The following VDAC2 variants were observed in gnomAD, a reference collection of about 807,000 sequenced individuals.
VDAC2 encodes non-selective voltage-gated ion channel VDAC2.
A neutral mutation model predicts 36.6 loss-of-function variants in VDAC2; 6 were observed. That is an observed-to-expected ratio of 0.16 (90% CI 0.09 to 0.32). VDAC2 has a LOEUF of 0.32. VDAC2 is among the 10% of genes least tolerant of loss of function. VDAC2 has a pLI of 1.00. For synonymous variants in VDAC2, 109 were observed against 123.8 expected (o/e 0.88, Z 0.79); for missense variants, 247 against 346.0 (o/e 0.71, Z 2.27).
At chr10:75,219,246 TATTA>T in intron 5 of VDAC2, 31 bp downstream of exon 5, 2 of 1,554,684 alleles carry the variant, frequency 1.3e-6, no homozygotes, top group South Asian at 1.2e-5. Context: ...GTATTAATTT[TATTA>T]ATTTATTTTT....
Position 75,212,293 on chromosome 10 carries a change from G to T in VDAC2, c.95G>T (p.Gly32Val). The T allele has an allele frequency of 6.2e-7, 1 of 1,612,826 alleles. No individual in the cohort carries two copies. Among genetic ancestry groups the T allele is most frequent in the Non-Finnish European group, 8.5e-7 (1 of 1,179,572 alleles). Residue 32 changes from glycine to valine, a missense_variant, in exon 3 of 10, where the codon GGA becomes GTA. Transcript: ENST00000332211. Reference protein sequence around the residue: ...GKAARDIFNKGFGFGLVKLDV... With the variant: ...GKAARDIFNKVFGFGLVKLDV... ...GCTGCCAGAGATATTTTCAACAAAGGATTTGGTAAGAACCTTATTTTTAAA... is the reference window on the plus strand; with the variant it reads ...GCTGCCAGAGATATTTTCAACAAAGTATTTGGTAAGAACCTTATTTTTAAA...
At chr10:75,222,478 A>G in intron 8 of VDAC2, 76 bp downstream of exon 8, 1 of 1,555,662 alleles carries the variant, frequency 6.4e-7, no homozygotes, top group Non-Finnish European at 8.7e-7. Flanking sequence ...ATTATGTTGA[A>G]AATTTGAACT....
chr10:75,227,968 C>CA (rs1026421006), intron 8 of VDAC2, among the ~76,000 whole-genome samples: 14 of 151,556 alleles, frequency 9.2e-5, no homozygotes, highest in Admixed American at 4.6e-4. Context: ...GATCTCCACT[C>CA]ACTGCAACCT....
chr10:75,226,383 AT>A (rs1841952057), intron 8 of VDAC2, among the ~76,000 whole-genome samples: 1 of 146,468 alleles, frequency 6.8e-6, no homozygotes, highest in African/African-American at 2.6e-5. Context: ...TTGTTGAGAT[AT>A]TTGGCCATTT....
At chr10:75,211,065 C>T (rs1589995381) in intron 1 of VDAC2, 69 bp from the exon 2 acceptor site, 3 of 1,428,020 alleles carry the variant, frequency 2.1e-6, no homozygotes, top group Middle Eastern at 1.8e-4. Context: ...GGCCCCTCGC[C>T]CCTCTCTGCC....
chr10:75,211,367 A>G, intron 2 of VDAC2, 178 bp downstream of exon 2: 2 of 1,394,032 alleles, frequency 1.4e-6, no homozygotes, highest in Non-Finnish European at 9.6e-7. Context: ...CTGGATTTCA[A>G]ATGGGGAACA....
At chr10:75,227,577 ATTT>A (rs35378957) in intron 8 of VDAC2, among the ~76,000 whole-genome samples, 5 of 99,928 alleles carry the variant, frequency 5.0e-5, no homozygotes, top group South Asian at 3.3e-4. Context: ...AATAATAGGA[ATTT>A]TTTTTTTTTT....
intron 8 of VDAC2, 148 bp from the exon 9 acceptor site, chr10:75,229,496 G>A: frequency 1.8e-6 from 1 of 567,330 alleles, no homozygotes; most frequent in Non-Finnish European, 3.0e-6. Flanking sequence ...AATAGTACCT[G>A]GTTTGTTTGG....
At chr10:75,224,435 G>T (rs943934710) in intron 8 of VDAC2, among the ~76,000 whole-genome samples, 6 of 152,060 alleles carry the variant, frequency 3.9e-5, no homozygotes, top group Admixed American at 1.3e-4. Flanking sequence ...GGTTTAGGAA[G>T]AAAAAGGATA....
chr10:75,215,401 G>C (rs565375990), intron 4 of VDAC2, among the ~76,000 whole-genome samples: 1 of 151,740 alleles, frequency 6.6e-6, no homozygotes, highest in Admixed American at 6.6e-5. Flanking sequence ...ACCCAGGCTG[G>C]AGTGCAGTGG....
chr10:75,210,398 G>A (rs534316729), upstream of VDAC2, among the ~76,000 whole-genome samples: 1 of 152,308 alleles, frequency 6.6e-6, no homozygotes, highest in East Asian at 1.9e-4. Flanking sequence ...TTTCGGGGGG[G>A]AACCCGCACC....
At chr10:75,221,399 C>G (rs1841809307) in intron 7 of VDAC2, among the ~76,000 whole-genome samples, 1 of 151,732 alleles carries the variant, frequency 6.6e-6, no homozygotes. Context: ...CTTTTGCGAT[C>G]TCGGCTCACT....
At chr10:75,229,851 AT>A (rs1253035087) in intron 9 of VDAC2, 150 bp downstream of exon 9, 11 of 502,052 alleles carry the variant, frequency 2.2e-5, no homozygotes, top group Non-Finnish European at 2.9e-5. Context: ...ACAATTTTTT[AT>A]TTCTTTTTCT....
chr10:75,216,837 A>G (rs1841621310), intron 4 of VDAC2, among the ~76,000 whole-genome samples: 1 of 152,212 alleles, frequency 6.6e-6, no homozygotes, highest in Non-Finnish European at 1.5e-5. Context: ...TTCCATATAT[A>G]TTGTTTTAGT....
chr10:75,218,111 T>A, intron 4 of VDAC2: 2 of 372,782 alleles, frequency 5.4e-6, no homozygotes, highest in Non-Finnish European at 1.0e-5. Context: ...AAAATTCAGA[T>A]AAGCCCTCCG....
chr10:75,218,588 T>TC (rs1226275028), intron 4 of VDAC2, among the ~76,000 whole-genome samples: 1 of 152,050 alleles, frequency 6.6e-6, no homozygotes, highest in Non-Finnish European at 1.5e-5. Flanking sequence ...ATGGTGAAAC[T>TC]CCATCTGTAC....
chr10:75,215,461 C>T (rs1253791508), intron 4 of VDAC2, among the ~76,000 whole-genome samples: 1 of 150,428 alleles, frequency 6.6e-6, no homozygotes, highest in African/African-American at 2.4e-5. Context: ...ATGCCTTTCT[C>T]CTGCCTCAGC....
chr10:75,218,974 CA>C, intron 4 of VDAC2, 88 bp from the exon 5 acceptor site: 1 of 1,343,340 alleles, frequency 7.4e-7, no homozygotes, highest in Non-Finnish European at 1.0e-6. Flanking sequence ...CCAAATGTTT[CA>C]GGGGGTTTGT....
intron 6 of VDAC2, 128 bp from the exon 7 acceptor site, chr10:75,220,615 T>A: frequency 1.3e-6 from 1 of 741,628 alleles, no homozygotes; most frequent in African/African-American, 1.8e-5. Flanking sequence ...ACTTTTTTAC[T>A]CCCTGTTATT....
Sources: allele counts gnomAD v4.1 joint callset (sites outside exome capture counted in the v4.1 genomes callset), GRCh38; gene constraint gnomAD v4.1.1; transcripts MANE v1.5; gene names NCBI Gene and HGNC (gene_info 2026-07-23, HGNC 2026-07-21).